Variants in LPP observed in about 807,000 individuals in gnomAD.
LPP encodes LIM domain containing preferred translocation partner in lipoma.
A neutral mutation model predicts 60.4 loss-of-function variants in LPP; 38 were observed. The ratio of observed to expected loss-of-function variants is 0.63; its 90% CI spans 0.49 to 0.83. The LOEUF is 0.83. Among genes scored for constraint, LPP ranks in the 40% least tolerant of loss-of-function variants. The probability of loss-of-function intolerance (pLI) is 0.00; values close to 1 mark genes in which losing one functional copy is unlikely to be tolerated. For missense variants in LPP, 902 were observed against 783.6 expected (o/e 1.15, Z -1.80); for synonymous variants, 328 against 290.8 (o/e 1.13, Z -1.30).
intron 8 of LPP, among the ~76,000 whole-genome samples, chr3:188,741,759 A>G (rs1349637552): frequency 3.9e-5 from 6 of 151,910 alleles, no homozygotes; most frequent in African/African-American, 1.4e-4. Flanking sequence ...TATACAAAAA[A>G]CCCCACAAAC....
At chr3:188,442,706 T>C (rs559625138) in intron 4 of LPP, among the ~76,000 whole-genome samples, 1 of 152,346 alleles carries the variant, frequency 6.6e-6, no homozygotes, top group African/African-American at 2.4e-5. Context: ...GTGGATTTAG[T>C]TCACACCATC....
At chr3:188,684,688 T>G (rs914917375) in intron 7 of LPP, among the ~76,000 whole-genome samples, 2 of 152,134 alleles carry the variant, frequency 1.3e-5, no homozygotes, top group Non-Finnish European at 2.9e-5. Flanking sequence ...AAATACATAT[T>G]TTATTCCCTG....
rs1180292459 is a variant in LPP, at chr3:188,883,225, C to G, written c.*8746C>G. On this transcript the variant is annotated 3_prime_UTR_variant, in exon 12 of 12. Transcript: ENST00000617246. ...TTGTTTTGTTTTGGGCATTGCATTA[C>G]TTTTTTGAATTTTTAAGAATCTCTA... is the stretch of plus-strand genomic sequence containing the variant. The G allele has an allele frequency of 9.3e-6, 2 of 215,348 alleles. No individual in the cohort carries two copies. Among genetic ancestry groups the G allele is most frequent in the East Asian group, 1.4e-4 (2 of 14,690 alleles). 13.3% of individuals were successfully genotyped at this position (215,348 alleles called of 1,614,324 possible). A position where few individuals can be genotyped will look rare whatever the true frequency, so the allele number is the denominator to read the frequency against.
chr3:188,860,908 A>G (rs1055796722), intron 9 of LPP, among the ~76,000 whole-genome samples: 1 of 152,206 alleles, frequency 6.6e-6, no homozygotes, highest in Non-Finnish European at 1.5e-5. Flanking sequence ...GTCTACCGAT[A>G]TACAGATTCC....
intron 9 of LPP, among the ~76,000 whole-genome samples, chr3:188,785,670 A>G (rs1205229709): frequency 6.6e-6 from 1 of 151,314 alleles, no homozygotes; most frequent in Non-Finnish European, 1.5e-5. Context: ...TGCTATAAAC[A>G]TGCTTGTGCA....
intron 2 of LPP, among the ~76,000 whole-genome samples, chr3:188,232,504 A>ATTTTTTTTTTT (rs71634069): frequency 2.7e-3 from 282 of 103,200 alleles, no homozygotes; most frequent in Middle Eastern, 6.9e-3. Context: ...ACACCCGGCT[A>ATTTTTTTTTTT]TTTTTTTTTT....
intron 7 of LPP, among the ~76,000 whole-genome samples, chr3:188,653,119 A>C (rs967007095): frequency 6.6e-6 from 1 of 152,210 alleles, no homozygotes; most frequent in African/African-American, 2.4e-5. Flanking sequence ...TTTAGCAAAA[A>C]ATTATAAAGC....
At chr3:188,691,848 T>C (rs1437062902) in intron 7 of LPP, among the ~76,000 whole-genome samples, 1 of 152,232 alleles carries the variant, frequency 6.6e-6, no homozygotes, top group Non-Finnish European at 1.5e-5. Context: ...TTAAGTTCTT[T>C]CAGTCTGGCT....
intron 2 of LPP, among the ~76,000 whole-genome samples, chr3:188,314,132 G>C (rs1369478534): frequency 2.6e-5 from 4 of 151,946 alleles, no homozygotes; most frequent in Non-Finnish European, 4.4e-5. Context: ...AATACCTCTA[G>C]AATAGTAAAT....
intron 6 of LPP, 91 bp downstream of exon 6, chr3:188,524,878 CCCTTCCTTCCTTCCGTCCGT>C (rs780594715): frequency 0.032 from 20,023 of 631,462 alleles, 2,547 homozygotes; most frequent in East Asian, 0.076. Context: ...AGCTTATTTC[CCCTTCCTTCCTTCCGTCCGT>C]CCTTCCTTCC....
At chr3:188,384,721 C>T (rs895567641) in intron 3 of LPP, among the ~76,000 whole-genome samples, 69 of 142,202 alleles carry the variant, frequency 4.9e-4, no homozygotes, top group African/African-American at 1.8e-3. Context: ...ACCACGAAGT[C>T]GGAGGTTGCA....
intron 2 of LPP, among the ~76,000 whole-genome samples, chr3:188,338,998 T>A (rs565931804): frequency 6.6e-6 from 1 of 152,290 alleles, no homozygotes; most frequent in South Asian, 2.1e-4. Flanking sequence ...TGTTATTTTC[T>A]TGCTTCTCTC....
At chr3:188,176,928 A>C (rs1469523959) in intron 1 of LPP, among the ~76,000 whole-genome samples, 4 of 152,252 alleles carry the variant, frequency 2.6e-5, no homozygotes, top group Admixed American at 2.0e-4. Context: ...TTTGCCACTA[A>C]ATGGCTGTGT....
At chr3:188,407,797 T>TTTTTTTTTTTTTTTTTTTTTC (rs1784001182) in intron 4 of LPP, among the ~76,000 whole-genome samples, 1 of 132,936 alleles carries the variant, frequency 7.5e-6, no homozygotes, top group Non-Finnish European at 1.6e-5. Flanking sequence ...TGTTTTTTTT[T>TTTTTTTTTTTTTTTTTTTTTC]TTTTTTTTTT....
intron 8 of LPP, among the ~76,000 whole-genome samples, chr3:188,727,210 G>A (rs138019916): frequency 1.3e-5 from 2 of 152,280 alleles, no homozygotes; most frequent in African/African-American, 4.8e-5. Flanking sequence ...GCAAGGTAGG[G>A]ATGATTATAA....
At chr3:188,760,422 G>GTGTGTT in intron 9 of LPP, 140 bp downstream of exon 9, 1 of 719,888 alleles carries the variant, frequency 1.4e-6, no homozygotes, top group South Asian at 1.8e-5. Context: ...GTGTGTGTGT[G>GTGTGTT]TGTGTGTGTG....
intron 3 of LPP, among the ~76,000 whole-genome samples, chr3:188,405,094 G>A (rs540948167): frequency 1.1e-4 from 17 of 152,328 alleles, no homozygotes; most frequent in Admixed American, 1.0e-3. Context: ...CAACATACAA[G>A]TTGATGGGCA....
intron 1 of LPP, among the ~76,000 whole-genome samples, chr3:188,158,686 T>C (rs908652104): frequency 2.0e-5 from 3 of 152,238 alleles, no homozygotes; most frequent in African/African-American, 7.2e-5. Flanking sequence ...AGTAGGTTTT[T>C]TGATTACCAG....
Position 188,602,154 on chromosome 3 carries a change from A to T in LPP, c.430-7007A>T, listed in dbSNP as rs1016200049. 2.7e-4 allele frequency among the ~76,000 whole-genome samples: 33 copies of T among 123,752 alleles called. No homozygotes were observed. The East Asian group carries it at 3.6e-3, about 14-fold the overall frequency. The allele number at this position is 123,752 out of a possible 152,430, so 81.2% of individuals were successfully genotyped here. A position where few individuals can be genotyped will look rare whatever the true frequency, so the allele number is the denominator to read the frequency against. On this transcript the variant is annotated intron_variant, in intron 6 of 11. Transcript: ENST00000617246. ...GCATTCTTAATCTCATATATATATAATATATATATAATATATATATATTAT... is the reference window on the plus strand; with the variant it reads ...GCATTCTTAATCTCATATATATATATTATATATATAATATATATATATTAT...
Sources: gnomAD v4.1 joint callset for allele counts (sites outside exome capture counted in the v4.1 genomes callset) on GRCh38, gnomAD v4.1.1 for gene constraint, MANE v1.5 for transcripts, NCBI Gene and HGNC (gene_info 2026-07-23, HGNC 2026-07-21) for gene names.